Variants in VPS13B observed in about 807,000 individuals in gnomAD.
The protein encoded by VPS13B is vacuolar protein sorting 13 homolog B.
VPS13B carries 285 observed loss-of-function variants against 426.4 expected under a neutral mutation model. The observed-to-expected ratio is 0.67, with a 90% CI of 0.61 to 0.74. The LOEUF (loss-of-function observed/expected upper bound fraction) is 0.74, where lower values mean the gene tolerates loss of function less well. VPS13B is among the 30% of genes least tolerant of loss of function. VPS13B has a pLI of 0.00. For missense variants in VPS13B, 4,537 were observed against 4,782.6 expected (o/e 0.95, Z 1.51); for synonymous variants, 1,676 against 1,676.4 (o/e 1.00, Z 0.01).
intron 39 of VPS13B, among the ~76,000 whole-genome samples, chr8:99,732,425 A>G (rs1833644034): frequency 6.6e-6 from 1 of 152,178 alleles, no homozygotes; most frequent in Non-Finnish European, 1.5e-5. Flanking sequence ...CGCTTTATGG[A>G]TATGCCTTGG....
chr8:99,153,911 A>G lies in VPS13B; in HGVS notation c.2014-2638A>G, dbSNP rs1242692441. On this transcript the variant is annotated intron_variant, in intron 14 of 61. Coordinates refer to ENST00000357162, the MANE Select transcript of VPS13B (RefSeq NM_152564.5). ...CTGAATTTTTTTTTTTGTCTGAGAA[A>G]GTCTTTTTTTCTCCTTTTGAAGGAT... 2.0e-5 allele frequency among the ~76,000 whole-genome samples: 3 copies of G among 151,724 alleles called. No individual in the cohort carries two copies. In the East Asian group the frequency reaches 5.8e-4, roughly 29 times the overall value.
At chr8:99,326,360 A>T (rs1214256565) in intron 19 of VPS13B, among the ~76,000 whole-genome samples, 1 of 147,072 alleles carries the variant, frequency 6.8e-6, no homozygotes, top group African/African-American at 2.5e-5. Flanking sequence ...CCTCTTCTAT[A>T]TGTGAATTTG....
intron 30 of VPS13B, among the ~76,000 whole-genome samples, chr8:99,544,940 A>G (rs1471318374): frequency 6.6e-6 from 1 of 152,178 alleles, no homozygotes; most frequent in Non-Finnish European, 1.5e-5. Context: ...TACAGTGGAG[A>G]AAACGAAGCT....
At chr8:99,119,589 A>G (rs909523609) in intron 7 of VPS13B, 2 of 151,890 alleles carry the variant, frequency 1.3e-5, no homozygotes, top group Non-Finnish European at 2.9e-5. Flanking sequence ...CTTATTCTGA[A>G]CTACAATGGC....
intron 19 of VPS13B, among the ~76,000 whole-genome samples, chr8:99,363,739 G>A (rs545025542): frequency 4.6e-5 from 7 of 152,128 alleles, no homozygotes; most frequent in African/African-American, 1.2e-4. Context: ...TGTAAATGGG[G>A]TTACTTTCTT....
intron 25 of VPS13B, among the ~76,000 whole-genome samples, chr8:99,500,731 A>G (rs543409609): frequency 6.6e-5 from 10 of 152,322 alleles, no homozygotes; most frequent in African/African-American, 2.4e-4. Context: ...TTTGTTTGCA[A>G]GGTTTAAACG....
chr8:99,341,267 C>T (rs376514740), intron 19 of VPS13B: 5 of 170,952 alleles, frequency 2.9e-5, no homozygotes, highest in South Asian at 3.1e-4. Flanking sequence ...GTTGGTCTGT[C>T]GTGGAAGTCT....
chr8:99,388,762 A>G (rs559842356), intron 20 of VPS13B, among the ~76,000 whole-genome samples: 1 of 152,348 alleles, frequency 6.6e-6, no homozygotes, highest in East Asian at 1.9e-4. Context: ...GGTATTTTGT[A>G]TACAGCTGTG....
intron 21 of VPS13B, among the ~76,000 whole-genome samples, chr8:99,408,870 A>C (rs1003166): frequency 0.022 from 3,340 of 152,328 alleles, 132 homozygotes; most frequent in African/African-American, 0.076. Context: ...GAATGGGAAC[A>C]TGGAGATGGT....
At chr8:99,054,682 T>TA (rs1240868479) in intron 3 of VPS13B, among the ~76,000 whole-genome samples, 1 of 152,238 alleles carries the variant, frequency 6.6e-6, no homozygotes, top group African/African-American at 2.4e-5. Flanking sequence ...CTAAGAGTTT[T>TA]AAAGTTTTAG....
chr8:99,822,196 A>T (rs889126473), intron 50 of VPS13B, among the ~76,000 whole-genome samples: 3 of 152,232 alleles, frequency 2.0e-5, no homozygotes, highest in African/African-American at 7.2e-5. Flanking sequence ...CAAAATTAGA[A>T]AAAGAAGGGA....
intron 17 of VPS13B, among the ~76,000 whole-genome samples, chr8:99,216,221 C>G (rs929848120): frequency 3.9e-5 from 6 of 152,120 alleles, no homozygotes; most frequent in Non-Finnish European, 7.4e-5. Flanking sequence ...ACATCGATCT[C>G]TTTTCTGGAC....
chr8:99,413,350 G>T (rs945060524), intron 21 of VPS13B, among the ~76,000 whole-genome samples: 1 of 152,030 alleles, frequency 6.6e-6, no homozygotes, highest in Non-Finnish European at 1.5e-5. Flanking sequence ...TTGCATAGAG[G>T]TGTTTATAGT....
At chr8:99,186,142 G>A (rs963800490) in intron 16 of VPS13B, among the ~76,000 whole-genome samples, 5 of 152,108 alleles carry the variant, frequency 3.3e-5, no homozygotes, top group African/African-American at 1.2e-4. Flanking sequence ...TTCTGGATAT[G>A]AGGAATAGGC....
At chr8:99,735,390 A>G (rs765049290) in intron 39 of VPS13B, among the ~76,000 whole-genome samples, 2 of 152,150 alleles carry the variant, frequency 1.3e-5, no homozygotes, top group Non-Finnish European at 2.9e-5. Context: ...CTGTAATCCA[A>G]CAAGCAGTAT....
intron 8 of VPS13B, among the ~76,000 whole-genome samples, chr8:99,128,658 T>C (rs1203621606): frequency 2.6e-5 from 4 of 152,074 alleles, no homozygotes; most frequent in Non-Finnish European, 4.4e-5. Flanking sequence ...GATAAACCCA[T>C]GTGAAATGAG....
At chr8:99,125,215 A>G (rs1848137326) in intron 8 of VPS13B, among the ~76,000 whole-genome samples, 1 of 152,328 alleles carries the variant, frequency 6.6e-6, no homozygotes, top group African/African-American at 2.4e-5. Context: ...AGTGTGGGCC[A>G]AAGGCCTGAG....
intron 17 of VPS13B, among the ~76,000 whole-genome samples, chr8:99,216,445 GTCTTT>G (rs1458736221): frequency 6.6e-6 from 1 of 151,646 alleles, no homozygotes; most frequent in East Asian, 1.9e-4. Flanking sequence ...ATTGTTTACT[GTCTTT>G]TCTTTTCTAG....
Position 99,359,857 on chromosome 8 carries a change from C to T in VPS13B, c.2825-24351C>T, listed in dbSNP as rs537343947. On this transcript the variant is annotated intron_variant, in intron 19 of 61. Coordinates refer to ENST00000357162, the MANE Select transcript of VPS13B (RefSeq NM_152564.5). ...TCTCTCTGTTGCCCAGGCTGGAGTGCAGTGATAAGATCTTGGCTCACTGCA... is the reference window on the plus strand; with the variant it reads ...TCTCTCTGTTGCCCAGGCTGGAGTGTAGTGATAAGATCTTGGCTCACTGCA... Among the ~76,000 whole-genome samples the T allele has an allele frequency of 5.3e-5, 8 of 152,276 alleles. No homozygotes were observed. The South Asian group carries it at 1.7e-3, about 32-fold the overall frequency.
Sources: gnomAD v4.1 joint callset for allele counts (sites outside exome capture counted in the v4.1 genomes callset) on GRCh38, gnomAD v4.1.1 for gene constraint, MANE v1.5 for transcripts, NCBI Gene and HGNC (gene_info 2026-07-23, HGNC 2026-07-21) for gene names.